TULP4: variants seen among roughly 807,000 people sequenced by gnomAD.
TULP4 encodes TUB like protein 4.
Under a neutral mutation model 129.0 loss-of-function variants are expected in TULP4, and 16 were observed. That is an observed-to-expected ratio of 0.12 (90% CI 0.08 to 0.19). TULP4 has a LOEUF of 0.19. Among genes scored for constraint, TULP4 ranks in the 10% least tolerant of loss-of-function variants. The pLI, the probability that TULP4 is intolerant of heterozygous loss-of-function variation, is 1.00. For synonymous variants in TULP4, 998 were observed against 854.0 expected, an observed-to-expected ratio of 1.17 and a Z score of -2.94; for missense variants, 1,842 against 2,059.1, an observed-to-expected ratio of 0.89 and a Z score of 2.04.
intron 1 of TULP4, among the ~76,000 whole-genome samples, chr6:158,412,650 T>C (rs1275440820): frequency 1.3e-5 from 2 of 152,226 alleles, no homozygotes; most frequent in African/African-American, 2.4e-5. Flanking sequence ...TGGAGGAAAA[T>C]GAACCTAAAT....
At chr6:158,370,677 A>G (rs1346962301) in intron 1 of TULP4, among the ~76,000 whole-genome samples, 3 of 152,168 alleles carry the variant, frequency 2.0e-5, no homozygotes, top group Non-Finnish European at 4.4e-5. Context: ...TGAACTGCAT[A>G]TGGAAGATAA....
At chr6:158,456,688 G>A (rs1043637126) in intron 5 of TULP4, among the ~76,000 whole-genome samples, 62 of 152,248 alleles carry the variant, frequency 4.1e-4, no homozygotes, top group Middle Eastern at 6.8e-3. Flanking sequence ...ACAAAAATTA[G>A]CCAGGCATGG....
At chr6:158,251,735 C>A (rs1778145288) in intron 1 of TULP4, among the ~76,000 whole-genome samples, 1 of 152,196 alleles carries the variant, frequency 6.6e-6, no homozygotes, top group Non-Finnish European at 1.5e-5. Context: ...CTTCCCTCTT[C>A]TGGTGCTGAT....
intron 1 of TULP4, among the ~76,000 whole-genome samples, chr6:158,376,033 CTG>C (rs1008786100): frequency 6.6e-6 from 1 of 152,176 alleles, no homozygotes; most frequent in Non-Finnish European, 1.5e-5. Context: ...AGGCCGGAAA[CTG>C]TGGACGATGG....
At chr6:158,276,043 C>CA (rs978226934) in intron 1 of TULP4, among the ~76,000 whole-genome samples, 1 of 152,118 alleles carries the variant, frequency 6.6e-6, no homozygotes, top group African/African-American at 2.4e-5. Flanking sequence ...AACCTCAACT[C>CA]ACTGCAACCT....
At position 158,331,468 on chromosome 6, in the gene TULP4, C is replaced by T. The variant is rs1779877156; in HGVS notation, c.252+17200C>T. Among the ~76,000 whole-genome samples, 8 of 152,042 alleles carry T rather than the reference C, an allele frequency of 5.3e-5. No homozygotes were observed. The South Asian group carries it at 1.7e-3, about 32-fold the overall frequency. ...TAGGTTGGCTCGTGTCCTTTTGGTG[C>T]ACCCCAGTCACTGGCAGTGGTAGGT... On this transcript the variant is annotated intron_variant, in intron 1 of 13. Transcript: ENST00000367097.
chr6:158,327,977 A>G (rs1779782656), intron 1 of TULP4, among the ~76,000 whole-genome samples: 1 of 152,280 alleles, frequency 6.6e-6, no homozygotes, highest in East Asian at 1.9e-4. Flanking sequence ...GCCAAAGGTC[A>G]GCATCCAAGC....
intron 1 of TULP4, among the ~76,000 whole-genome samples, chr6:158,403,447 C>T (rs1361972157): frequency 6.6e-6 from 1 of 152,170 alleles, no homozygotes. Context: ...TCAAGCGATT[C>T]TCCTGCCTTA....
At chr6:158,286,738 G>A (rs896086805) in intron 1 of TULP4, among the ~76,000 whole-genome samples, 1 of 152,116 alleles carries the variant, frequency 6.6e-6, no homozygotes, top group African/African-American at 2.4e-5. Context: ...TGCTCTATGG[G>A]TTTATTGCCA....
Position 158,493,584 on chromosome 6 carries a change from A to G in TULP4, c.1643A>G (p.Glu548Gly). Residue 548 changes from glutamate to glycine, a missense_variant, in exon 10 of 14, where the codon GAG (glutamate) becomes GGG (glycine). By Grantham distance (98) the Glu-to-Gly change is moderately conservative (BLOSUM62 -2). This residue lies in a region of TULP4 where 456 missense variants were observed against 534.3 expected (regional missense o/e 0.85). Transcript: ENST00000367097. This position sits in a 1 kb window ranked among gnomAD's most constrained non-coding sequence, Gnocchi z 4.4. ...KSPKLPRISI[E>G]ARKSPKLPRA... ...CCTTGCCTCCCCAGGATCAGCATTG[A>G]GGCCCGCAAGTCACCCAAGCTGCCC... 6.5e-7 allele frequency: 1 copy of G among 1,538,926 alleles called. No homozygotes were observed. The highest frequency in any genetic ancestry group is 8.7e-7 in the Non-Finnish European group (1 of 1,143,232).
At position 158,501,710 on chromosome 6, in the gene TULP4, C is replaced by A. The variant is rs1780449117; in HGVS notation, c.2047C>A (p.Pro683Thr). The A allele has an allele frequency of 2.5e-6, 4 of 1,611,934 alleles. No individual in the cohort carries two copies. The African/African-American group carries it at 5.3e-5, about 22-fold the overall frequency. The change falls in exon 13 of 14, where the codon CCA becomes ACA. Residue 683 changes from proline to threonine, a missense_variant. Pro to Thr is a conservative substitution (Grantham distance 38, BLOSUM62 -1). Around this residue, in one of 5 missense-constraint regions of TULP4, gnomAD observed 99 missense variants for 165.1 expected, o/e 0.60. Transcript: ENST00000367097. ...TGASGVPENSPPCTVNIPIAP... is the reference protein window; with the variant it reads ...TGASGVPENSTPCTVNIPIAP... ...AGCATCTGGTGTCCCTGAGAACAGC[C>A]CACCTTGTACCGTGAACATCCCTAT...
At chr6:158,363,231 A>G (rs914746685) in intron 1 of TULP4, among the ~76,000 whole-genome samples, 2 of 152,174 alleles carry the variant, frequency 1.3e-5, no homozygotes, top group African/African-American at 4.8e-5. Context: ...ATAATTTACA[A>G]TGCTTAAAAA....
intron 1 of TULP4, among the ~76,000 whole-genome samples, chr6:158,316,259 C>T (rs200939861): frequency 6.6e-5 from 2 of 30,488 alleles, no homozygotes; most frequent in Non-Finnish European, 9.3e-5. Flanking sequence ...CGTTTGTGTG[C>T]GTGTGGACCT....
At position 158,419,031 on chromosome 6, in the gene TULP4, G is replaced by A. The variant is rs995648861; in HGVS notation, c.381+5838G>A. ...TTATTTTTATTCCAGAATGTAATGC[G>A]TTGTTTCTGAAAAACATTGTTTTAT... On this transcript the variant is annotated intron_variant, in intron 2 of 13. Coordinates refer to ENST00000367097, the MANE Select transcript of TULP4 (RefSeq NM_020245.5). Among the ~76,000 whole-genome samples the A allele has an allele frequency of 5.3e-5, 8 of 152,130 alleles. No homozygotes were observed. The South Asian group carries it at 8.3e-4, about 16-fold the overall frequency.
chr6:158,454,371 C>A (rs1326919198), intron 5 of TULP4, among the ~76,000 whole-genome samples: 1 of 152,112 alleles, frequency 6.6e-6, no homozygotes, highest in Non-Finnish European at 1.5e-5. Context: ...CTTCAAAATT[C>A]TATTTTTAAA....
chr6:158,318,370 C>G (rs1204043954), intron 1 of TULP4, among the ~76,000 whole-genome samples: 1 of 152,182 alleles, frequency 6.6e-6, no homozygotes, highest in Admixed American at 6.5e-5. Flanking sequence ...GACCAACTCT[C>G]CTAGCTTCCC....
chr6:158,361,651 A>G (rs1740486220), intron 1 of TULP4, among the ~76,000 whole-genome samples: 1 of 152,210 alleles, frequency 6.6e-6, no homozygotes, highest in South Asian at 2.1e-4. Flanking sequence ...TTTCTTTTTA[A>G]AATTAATATA....
At chr6:158,342,084 A>T (rs565514203) in intron 1 of TULP4, among the ~76,000 whole-genome samples, 2 of 152,134 alleles carry the variant, frequency 1.3e-5, no homozygotes, top group Non-Finnish European at 2.9e-5. Flanking sequence ...ACACCTACTA[A>T]TTTTTGTATT....
intron 1 of TULP4, among the ~76,000 whole-genome samples, chr6:158,236,351 C>T (rs1202414798): frequency 6.6e-6 from 1 of 152,114 alleles, no homozygotes; most frequent in African/African-American, 2.4e-5. Flanking sequence ...TATTAAACAT[C>T]TCAATTTATA....
Sources: allele counts gnomAD v4.1 joint callset (sites outside exome capture counted in the v4.1 genomes callset), GRCh38; gene constraint gnomAD v4.1.1; regional missense constraint gnomAD v4.1.1; non-coding constraint Gnocchi (gnomAD v3.1); transcripts MANE v1.5; gene names NCBI Gene and HGNC (gene_info 2026-07-23, HGNC 2026-07-21).